The following CMPK1 variants were observed in gnomAD, a reference collection of about 807,000 sequenced individuals.
CMPK1 encodes the protein cytidine/uridine monophosphate kinase 1.
Under a neutral mutation model 25.7 loss-of-function variants are expected in CMPK1, and 10 were observed. The observed-to-expected ratio is 0.39, with a 90% confidence interval of 0.24 to 0.66. The LOEUF (loss-of-function observed/expected upper bound fraction) is 0.66. Among genes scored for constraint, CMPK1 ranks in the 30% least tolerant of loss-of-function variants. The pLI is 0.48. For synonymous variants in CMPK1, 106 were observed against 101.5 expected, an observed-to-expected ratio of 1.04 and a Z score of -0.27; for missense variants, 199 against 280.5, an observed-to-expected ratio of 0.71 and a Z score of 2.08.
At chr1:47,334,712 G>A (rs1646383577) in intron 1 of CMPK1, among the ~76,000 whole-genome samples, 1 of 152,168 alleles carries the variant, frequency 6.6e-6, no homozygotes, top group East Asian at 1.9e-4. Flanking sequence ...TTAGGGCGGA[G>A]CCAGCCCTGA....
chr1:47,340,977 C>T (rs1646437531), intron 1 of CMPK1, among the ~76,000 whole-genome samples: 1 of 152,138 alleles, frequency 6.6e-6, no homozygotes, highest in African/African-American at 2.4e-5. Flanking sequence ...ATCTGGTCCA[C>T]AGGATACTTG....
chr1:47,342,649 C>CTTTTTTTTT lies in CMPK1; in HGVS notation c.171+8543_171+8551dup, dbSNP rs11334963. ...GAATCTTTTCCTTTTTCTCTTTTTT[C>CTTTTTTTTT]TTTTTTTTTTTTTTTTTTGAGACAG... On this transcript the variant is annotated intron_variant, in intron 1 of 5. Coordinates refer to ENST00000371873, the MANE Select transcript of CMPK1 (RefSeq NM_016308.3). 1.2e-3 allele frequency among the ~76,000 whole-genome samples: 136 copies of CTTTTTTTTT among 116,400 alleles called. 1 individual carries two copies. Among genetic ancestry groups the CTTTTTTTTT allele is most frequent in the Middle Eastern group, 5.3e-3 (1 of 190 alleles). The allele number at this position is 116,400 out of a possible 152,430, so 76.4% of individuals were successfully genotyped here. A position where few individuals can be genotyped will look rare whatever the true frequency, so the allele number is the denominator to read the frequency against.
rs764138710 is a variant in CMPK1, at chr1:47,333,895, CGCCGCGCCGGCCGCT to C, written c.-49_-35del. On this transcript the variant is annotated 5_prime_UTR_variant, in exon 1 of 6. Transcript: ENST00000371873. Reference sequence around the variant, plus strand: ...CCCGCCGCCTCCCCGCCCCGCCCCGCGCCGCGCCGGCCGCTGTCAGCTCCCTCAGCGTCCGGCCGA... The same window carrying C: ...CCCGCCGCCTCCCCGCCCCGCCCCGCGTCAGCTCCCTCAGCGTCCGGCCGA... The C allele has an allele frequency of 1.7e-6, 2 of 1,202,540 alleles. No individual in the cohort carries two copies. The highest frequency in any genetic ancestry group is 6.6e-5 in the South Asian group (2 of 30,456). The allele number at this position is 1,202,540 out of a possible 1,614,324, so 74.5% of individuals were successfully genotyped here.
chr1:47,361,058 C>A (rs527497900), intron 1 of CMPK1, among the ~76,000 whole-genome samples: 23 of 151,968 alleles, frequency 1.5e-4, no homozygotes, highest in African/African-American at 5.3e-4. Flanking sequence ...ATGTAACATA[C>A]ATCCCATGTT....
At chr1:47,359,085 G>A (rs4926544) in intron 1 of CMPK1, among the ~76,000 whole-genome samples, 102,827 of 151,894 alleles carry the variant, frequency 0.68, 35,360 homozygotes, top group East Asian at 0.94. Context: ...TTGGGAGGCC[G>A]AGGTGGGCGG....
chr1:47,365,947 A>T (rs991402259), intron 1 of CMPK1, among the ~76,000 whole-genome samples: 2 of 151,846 alleles, frequency 1.3e-5, no homozygotes, highest in Non-Finnish European at 2.9e-5. Flanking sequence ...TAATCCCAGC[A>T]CTTTGGGAGG....
chr1:47,365,757 G>T (rs1646635763), intron 1 of CMPK1, among the ~76,000 whole-genome samples: 1 of 152,050 alleles, frequency 6.6e-6, no homozygotes, highest in South Asian at 2.1e-4. Context: ...TGTGAACATG[G>T]TGCTTTTTTC....
At chr1:47,363,799 C>T (rs1196789656) in intron 1 of CMPK1, among the ~76,000 whole-genome samples, 2 of 151,752 alleles carry the variant, frequency 1.3e-5, no homozygotes, top group African/African-American at 2.4e-5. Flanking sequence ...AAATATTAGC[C>T]AGGTGTGGTG....
intron 1 of CMPK1, among the ~76,000 whole-genome samples, chr1:47,360,014 T>C (rs1646590888): frequency 1.3e-5 from 2 of 152,206 alleles, no homozygotes; most frequent in African/African-American, 2.4e-5. Context: ...TCTTAAGATA[T>C]TGCTTCTTCC....
rs1646699185 is a variant in CMPK1, at chr1:47,375,133, C to T, written c.549-64C>T. 4 of 1,359,124 alleles carry T rather than the reference C, an allele frequency of 2.9e-6. No homozygotes were observed. The Admixed American group carries it at 7.0e-5, about 24-fold the overall frequency. 84.2% of individuals were successfully genotyped at this position (1,359,124 alleles called of 1,614,324 possible). A position where few individuals can be genotyped will look rare whatever the true frequency, so the allele number is the denominator to read the frequency against. ...GGGCAGATCCAGTGTTCTGTGAGCT[C>T]TCCTATAACATGTAGAAGAAAGGAT... is the stretch of plus-strand genomic sequence containing the variant. On this transcript the variant is annotated intron_variant, in intron 4 of 5. Coordinates refer to ENST00000371873, the MANE Select transcript of CMPK1 (RefSeq NM_016308.3).
At chr1:47,339,348 C>G (rs1248901128) in intron 1 of CMPK1, among the ~76,000 whole-genome samples, 1 of 152,074 alleles carries the variant, frequency 6.6e-6, no homozygotes, top group East Asian at 1.9e-4. Context: ...TCAACTTCCT[C>G]CAGGGCCTGT....
intron 1 of CMPK1, among the ~76,000 whole-genome samples, chr1:47,367,713 T>C (rs762123409): frequency 3.3e-5 from 5 of 152,150 alleles, no homozygotes; most frequent in Non-Finnish European, 5.9e-5. Context: ...GTATGATTCT[T>C]TTAATAAAAA....
intron 1 of CMPK1, among the ~76,000 whole-genome samples, chr1:47,356,717 G>A (rs1646563047): frequency 1.3e-5 from 2 of 152,162 alleles, no homozygotes; most frequent in African/African-American, 4.8e-5. Flanking sequence ...CTGAAGTGCA[G>A]TGGTGCAATC....
chr1:47,360,872 G>A (rs1646596672), intron 1 of CMPK1, among the ~76,000 whole-genome samples: 1 of 152,170 alleles, frequency 6.6e-6, no homozygotes, highest in African/African-American at 2.4e-5. Context: ...TTTGCATACT[G>A]GGGAGAGAGT....
chr1:47,344,591 C>A (rs931909881), intron 1 of CMPK1, among the ~76,000 whole-genome samples: 1 of 151,774 alleles, frequency 6.6e-6, no homozygotes, highest in East Asian at 1.9e-4. Flanking sequence ...CTCCACTTCC[C>A]GGGTTCAAGC....
rs1056045222 is a variant in CMPK1, at chr1:47,378,456, T to C, written c.*1711T>C. ...AGGAATCTAAATATTTATAGTGAGATTGTGAAAGCAACCTTAAAGTTTTGA... is the reference window on the plus strand; with the variant it reads ...AGGAATCTAAATATTTATAGTGAGACTGTGAAAGCAACCTTAAAGTTTTGA... On this transcript the variant is annotated 3_prime_UTR_variant, in exon 6 of 6. Coordinates refer to ENST00000371873, the MANE Select transcript of CMPK1 (RefSeq NM_016308.3). 2.0e-5 allele frequency: 3 copies of C among 152,196 alleles called. No homozygotes were observed. Among genetic ancestry groups the C allele is most frequent in the African/African-American group, 7.2e-5 (3 of 41,454 alleles). 9.4% of individuals were successfully genotyped at this position (152,196 alleles called of 1,614,324 possible). A position where few individuals can be genotyped will look rare whatever the true frequency, so the allele number is the denominator to read the frequency against.
chr1:47,346,652 C>T (rs897073443), intron 1 of CMPK1, among the ~76,000 whole-genome samples: 17 of 151,822 alleles, frequency 1.1e-4, no homozygotes, highest in African/African-American at 1.9e-4. Flanking sequence ...TACAGGTGTG[C>T]GCCACCATGC....
At chr1:47,376,062 ACATT>A (rs920214212) in intron 5 of CMPK1, among the ~76,000 whole-genome samples, 60 of 152,052 alleles carry the variant, frequency 3.9e-4, no homozygotes, top group Admixed American at 1.5e-3. Flanking sequence ...ATTTTATTTT[ACATT>A]TTATTTACAG....
chr1:47,339,211 T>C (rs1255097186), intron 1 of CMPK1, among the ~76,000 whole-genome samples: 2 of 152,048 alleles, frequency 1.3e-5, no homozygotes, highest in East Asian at 1.9e-4. Flanking sequence ...ATGAATGCCA[T>C]GTTGGCCAGG....
Sources: gnomAD v4.1 joint callset for allele counts (sites outside exome capture counted in the v4.1 genomes callset) on GRCh38, gnomAD v4.1.1 for gene constraint, MANE v1.5 for transcripts, NCBI Gene and HGNC (gene_info 2026-07-23, HGNC 2026-07-21) for gene names.